The following IFT56 variants were observed in gnomAD, a reference collection of about 807,000 sequenced individuals.
The protein encoded by IFT56 is intraflagellar transport 56, also known as intraflagellar transport protein 56.
At chr7:139,136,077 C>T in the IFT56 span, among the ~76,000 whole-genome samples, 1 of 152,120 alleles carries the variant, frequency 6.6e-6, no homozygotes, top group African/African-American at 2.4e-5. Flanking sequence ...GTGCCTGCCA[C>T]CATACCTGGC....
the IFT56 span, chr7:139,138,040 C>A: frequency 1.5e-6 from 1 of 664,218 alleles, no homozygotes; most frequent in Non-Finnish European, 2.5e-6. Context: ...TCAAACAATG[C>A]AGAAGGAAAC....
At chr7:139,191,090 C>T in the IFT56 span, 1 of 152,330 alleles carries the variant, frequency 6.6e-6, no homozygotes, top group East Asian at 1.9e-4. Context: ...TCAGGACTGT[C>T]TCAAGGGGTT....
chr7:139,172,822 C>G, the IFT56 span: 9 of 658,290 alleles, frequency 1.4e-5, no homozygotes, highest in Non-Finnish European at 2.6e-5. Context: ...AGTTTTTCTC[C>G]CTTCAAAGCC....
chr7:139,146,873 AAAAAG>A, the IFT56 span: 1 of 679,974 alleles, frequency 1.5e-6, no homozygotes, highest in South Asian at 2.0e-5. Flanking sequence ...AAATATAAAG[AAAAAG>A]AAAAGATAAG....
the IFT56 span, chr7:139,189,196 TGAAA>T: frequency 1.5e-6 from 1 of 649,890 alleles, no homozygotes; most frequent in Non-Finnish European, 2.7e-6. Context: ...GAATACACAG[TGAAA>T]GAGTCTATTA....
the IFT56 span, among the ~76,000 whole-genome samples, chr7:139,153,242 G>C: frequency 6.6e-6 from 1 of 151,902 alleles, no homozygotes; most frequent in Non-Finnish European, 1.5e-5. Context: ...CACAAGGTCA[G>C]GAGTTAGAGA....
the IFT56 span, chr7:139,174,357 C>A: frequency 2.0e-6 from 1 of 505,054 alleles, no homozygotes; most frequent in Non-Finnish European, 4.0e-6. Context: ...AAAGTGTAGT[C>A]CAGAGGCCTC....
At chr7:139,158,941 G>C in the IFT56 span, among the ~76,000 whole-genome samples, 1 of 151,870 alleles carries the variant, frequency 6.6e-6, no homozygotes, top group Non-Finnish European at 1.5e-5. Flanking sequence ...AAAAATCAAC[G>C]TTATACCAGA....
At chr7:139,183,073 T>C in the IFT56 span, among the ~76,000 whole-genome samples, 1 of 152,046 alleles carries the variant, frequency 6.6e-6, no homozygotes, top group Non-Finnish European at 1.5e-5. Flanking sequence ...GAGAGTTCTT[T>C]TAGAATGGGG....
the IFT56 span, among the ~76,000 whole-genome samples, chr7:139,146,530 G>A: frequency 6.6e-6 from 1 of 152,184 alleles, no homozygotes. Context: ...CACTTTGGGA[G>A]GCTGAGGTGG....
At chr7:139,146,487 G>C in the IFT56 span, among the ~76,000 whole-genome samples, 1 of 152,154 alleles carries the variant, frequency 6.6e-6, no homozygotes, top group Non-Finnish European at 1.5e-5. Context: ...GAACAGATTG[G>C]CTGGGCACAG....
At chr7:139,173,723 G>C in the IFT56 span, 2 of 769,554 alleles carry the variant, frequency 2.6e-6, no homozygotes, top group South Asian at 1.3e-5. Context: ...GGCTGAAAAG[G>C]CTGCATTGAG....
the IFT56 span, among the ~76,000 whole-genome samples, chr7:139,182,343 A>G: frequency 7.9e-5 from 12 of 152,234 alleles, no homozygotes; most frequent in African/African-American, 2.9e-4. Flanking sequence ...TACCATCAGT[A>G]GAAAATACTT....
At chr7:139,156,793 C>T in the IFT56 span, among the ~76,000 whole-genome samples, 1 of 152,314 alleles carries the variant, frequency 6.6e-6, no homozygotes. Flanking sequence ...GATATGTCTG[C>T]TTCTGAACTC....
the IFT56 span, chr7:139,172,710 G>A: frequency 1.6e-6 from 1 of 624,450 alleles, no homozygotes; most frequent in Non-Finnish European, 3.1e-6. Flanking sequence ...AACAATCGCA[G>A]CAAATGTTAT....
chr7:139,188,823 G>GA, the IFT56 span, among the ~76,000 whole-genome samples: 5 of 152,044 alleles, frequency 3.3e-5, no homozygotes, highest in African/African-American at 9.6e-5. Flanking sequence ...TATTTTTCTT[G>GA]AAAAAATCCC....
the IFT56 span, chr7:139,139,957 ACTT>A: frequency 1.9e-6 from 3 of 1,612,610 alleles, no homozygotes; most frequent in African/African-American, 2.7e-5. Flanking sequence ...GCTTGCACCT[ACTT>A]CTTTCTTGGG....
chr7:139,173,869 C>A, the IFT56 span: 2 of 701,832 alleles, frequency 2.8e-6, no homozygotes, highest in Non-Finnish European at 2.6e-6. Flanking sequence ...ACTGTTGTTT[C>A]TTCCATTTCT....
chr7:139,165,097 T>C, the IFT56 span: 3 of 1,535,964 alleles, frequency 2.0e-6, no homozygotes, highest in Non-Finnish European at 2.7e-6. Flanking sequence ...ATATACATCA[T>C]TGTTGCCATA....
Sources: gnomAD v4.1 joint callset for allele counts (sites outside exome capture counted in the v4.1 genomes callset) on GRCh38, gnomAD v4.1.1 for gene constraint, MANE v1.5 for transcripts, NCBI Gene and HGNC (gene_info 2026-07-23, HGNC 2026-07-21) for gene names.